CDKL4: variants seen among roughly 807,000 people sequenced by gnomAD.
CDKL4 encodes cyclin dependent kinase like 4.
A neutral mutation model predicts 42.0 loss-of-function variants in CDKL4; 44 were observed. The observed-to-expected ratio is 1.05, with a 90% CI of 0.82 to 1.35. CDKL4 has a LOEUF of 1.35. Ranked by LOEUF, CDKL4 falls within the 40% of genes most tolerant of loss-of-function variation. The pLI is 0.00. For missense variants in CDKL4, 393 were observed against 369.9 expected (o/e 1.06, Z -0.51); for synonymous variants, 120 against 121.6 (o/e 0.99, Z 0.09).
chr2:39,178,702 G>A (rs752251622), intron 9 of CDKL4: 1 of 1,609,308 alleles, frequency 6.2e-7, no homozygotes, highest in Non-Finnish European at 8.5e-7. Flanking sequence ...TCATTCCTTT[G>A]TACCTGGCAG....
chr2:39,223,575 C>T (rs1678503219), intron 3 of CDKL4, among the ~76,000 whole-genome samples: 1 of 142,274 alleles, frequency 7.0e-6, no homozygotes, highest in Admixed American at 7.1e-5. Context: ...CTGGTCATTT[C>T]CTTCTCTTTT....
At chr2:39,229,430 A>G (rs772678564) in exon 2 of CDKL4, 42 of 1,612,972 alleles carry the variant, frequency 2.6e-5, no homozygotes, top group Non-Finnish European at 3.6e-5. Context: ...GATTCCACAA[A>G]TTTTTTAACA....
intron 1 of CDKL4, among the ~76,000 whole-genome samples, chr2:39,235,624 G>C (rs1679328192): frequency 6.6e-6 from 1 of 152,138 alleles, no homozygotes; most frequent in Non-Finnish European, 1.5e-5. Flanking sequence ...GTACATGCCA[G>C]TATTCCTAGC....
Position 39,178,643 on chromosome 2 carries a change from C to T in CDKL4, c.927+544G>A, listed in dbSNP as rs200954052. ...TTGTCATAACAGTCACCATACTGTT[C>T]TGCAATATTGGCCCATTGGGTAGAA... On this transcript the variant is annotated intron_variant, in intron 9 of 9. Transcript: ENST00000451199. 4.8e-4 allele frequency: 760 copies of T among 1,590,616 alleles called. 18 individuals are homozygous for T. The Middle Eastern group carries it at 0.019, about 39-fold the overall frequency.
exon 6 of CDKL4, chr2:39,190,378 C>T: frequency 3.7e-6 from 6 of 1,614,062 alleles, no homozygotes; most frequent in Non-Finnish European, 5.1e-6. Flanking sequence ...CTGTCAGGAG[C>T]TCTGCAAAAA....
At chr2:39,242,345 C>T (rs896386347) in intron 1 of CDKL4, among the ~76,000 whole-genome samples, 5 of 152,116 alleles carry the variant, frequency 3.3e-5, no homozygotes, top group Non-Finnish European at 2.9e-5. Context: ...CCATGCCTGG[C>T]GAAATTATTT....
At position 39,185,436 on chromosome 2, in the gene CDKL4, A is replaced by G. The variant is rs1675766568; in HGVS notation, c.736-789T>C. Among the ~76,000 whole-genome samples the G allele has an allele frequency of 4.4e-4, 8 of 18,286 alleles. 2 individuals carry two copies. The highest frequency in any genetic ancestry group is 7.6e-4 in the African/African-American group (8 of 10,556). 12.0% of individuals were successfully genotyped at this position (18,286 alleles called of 152,430 possible). A position where few individuals can be genotyped will look rare whatever the true frequency, so the allele number is the denominator to read the frequency against. On this transcript the variant is annotated intron_variant, in intron 7 of 9. Coordinates refer to ENST00000451199, the Ensembl canonical transcript of CDKL4. ...TATACATATATATATACATATGTAT[A>G]TATACATGTATATATACATATGTGT... is the stretch of plus-strand genomic sequence containing the variant.
intron 4 of CDKL4, among the ~76,000 whole-genome samples, chr2:39,210,914 G>T (rs1306419873): frequency 6.6e-6 from 1 of 152,148 alleles, no homozygotes; most frequent in East Asian, 1.9e-4. Flanking sequence ...AAACTTCACT[G>T]ACTTTCCTAA....
At position 39,212,976 on chromosome 2, in the gene CDKL4, C is replaced by T. The variant is rs563999936; in HGVS notation, c.363+424G>A. On this transcript the variant is annotated intron_variant, in intron 4 of 9. Transcript: ENST00000451199. ...CATACCGGCCCTGAAAAATTATTCTCGCCCAATTTAAAAATAGTTTCAGGG... is the reference window on the plus strand; with the variant it reads ...CATACCGGCCCTGAAAAATTATTCTTGCCCAATTTAAAAATAGTTTCAGGG... 3.9e-5 allele frequency among the ~76,000 whole-genome samples: 6 copies of T among 152,198 alleles called. No homozygotes were observed. The South Asian group carries it at 6.2e-4, about 16-fold the overall frequency.
At chr2:39,217,219 G>C (rs769529695) in intron 3 of CDKL4, among the ~76,000 whole-genome samples, 1 of 152,190 alleles carries the variant, frequency 6.6e-6, no homozygotes, top group Non-Finnish European at 1.5e-5. Flanking sequence ...TTTTGGGCCA[G>C]TGCAAAACCA....
chr2:39,199,608 A>C (rs767219828), intron 5 of CDKL4, among the ~76,000 whole-genome samples: 1 of 152,196 alleles, frequency 6.6e-6, no homozygotes, highest in African/African-American at 2.4e-5. Flanking sequence ...TAGCTAACCA[A>C]ATCCAACAGC....
chr2:39,176,918 A>C (rs1270094515), intron 9 of CDKL4, among the ~76,000 whole-genome samples: 2 of 152,140 alleles, frequency 1.3e-5, no homozygotes, highest in Non-Finnish European at 2.9e-5. Context: ...GAACACCAGA[A>C]CTTGAAAGGC....
chr2:39,214,967 T>C (rs1225308023), intron 3 of CDKL4, among the ~76,000 whole-genome samples: 1 of 152,216 alleles, frequency 6.6e-6, no homozygotes, highest in South Asian at 2.1e-4. Flanking sequence ...CTCCATGAAT[T>C]ATAGCAATTA....
chr2:39,190,404 A>G lies in CDKL4; in HGVS notation c.553T>C (p.Trp185Arg), dbSNP rs544730101. 8 of 1,614,148 alleles carry G rather than the reference A, an allele frequency of 5.0e-6. No individual in the cohort carries two copies. In the African/African-American group the frequency reaches 8.0e-5, roughly 16 times the overall value. Reference sequence around the variant, plus strand: ...TCTGCAAAAACACAACCAATAGCCCATATATCGACTGAAGAACCATACTGA... The same window carrying G: ...TCTGCAAAAACACAACCAATAGCCCGTATATCGACTGAAGAACCATACTGA... Residue 185 changes from tryptophan (W) to arginine (R), a missense_variant, in exon 6 of 10, where the codon TGG (tryptophan) becomes CGG (arginine). Coordinates refer to ENST00000451199, the Ensembl canonical transcript of CDKL4.
chr2:39,192,445 T>C (rs1328196095), intron 5 of CDKL4, among the ~76,000 whole-genome samples: 1 of 152,108 alleles, frequency 6.6e-6, no homozygotes, highest in Non-Finnish European at 1.5e-5. Flanking sequence ...ACTGCAGCTT[T>C]GAACTCCTGG....
At chr2:39,176,096 T>G in exon 10 of CDKL4, 1 of 468,366 alleles carries the variant, frequency 2.1e-6, no homozygotes. Context: ...AACAGTTGAT[T>G]CTAATAGCAG....
At position 39,230,983 on chromosome 2, in the gene CDKL4, G is replaced by A. The variant is rs185131166; in HGVS notation, c.-56-1395C>T. Among the ~76,000 whole-genome samples, 3 of 152,276 alleles carry A rather than the reference G, an allele frequency of 2.0e-5. No individual in the cohort carries two copies. In the East Asian group the frequency reaches 5.8e-4, roughly 29 times the overall value. ...CCAGAACTCTGGGAGGTCGAGGCAG[G>A]TGGATCACCTGAGGTCAGGAGTTCG... On this transcript the variant is annotated intron_variant, in intron 1 of 9. Coordinates refer to ENST00000451199, the Ensembl canonical transcript of CDKL4.
At chr2:39,179,427 C>T in intron 8 of CDKL4, 106 bp from the exon 9 acceptor site, 2 of 961,296 alleles carry the variant, frequency 2.1e-6, no homozygotes, top group South Asian at 4.2e-5. Context: ...TTTAGAAAAT[C>T]TTCCAGTTTG....
intron 4 of CDKL4, among the ~76,000 whole-genome samples, chr2:39,205,910 G>A (rs573690445): frequency 6.6e-6 from 1 of 152,230 alleles, no homozygotes; most frequent in East Asian, 1.9e-4. Flanking sequence ...TCCGCGCCAG[G>A]GGATGGGGAT....
Sources: gnomAD v4.1 joint callset for allele counts (sites outside exome capture counted in the v4.1 genomes callset) on GRCh38, gnomAD v4.1.1 for gene constraint, MANE v1.5 for transcripts, NCBI Gene and HGNC (gene_info 2026-07-23, HGNC 2026-07-21) for gene names.